Variants in DAB2IP observed in about 807,000 individuals in gnomAD.
DAB2IP encodes disabled homolog 2-interacting protein.
In DAB2IP, 28 loss-of-function variants were observed where a neutral mutation model predicts 107.2. The ratio of observed to expected loss-of-function variants is 0.26; its 90% confidence interval spans 0.19 to 0.36. The LOEUF is 0.36. DAB2IP is among the 10% of genes least tolerant of loss of function. DAB2IP has a pLI of 1.00. For missense variants in DAB2IP, 1,400 were observed against 1,644.7 expected (o/e 0.85, Z 2.57); for synonymous variants, 755 against 706.4 (o/e 1.07, Z -1.09).
At position 121,759,107 on chromosome 9, in the gene DAB2IP, C is replaced by T. The variant is rs970952646; in HGVS notation, c.615+111C>T. 5.4e-6 allele frequency: 6 copies of T among 1,107,346 alleles called. No homozygotes were observed. The African/African-American group carries it at 9.3e-5, about 17-fold the overall frequency. The allele number at this position is 1,107,346 out of a possible 1,614,324, so 68.6% of individuals were successfully genotyped here. A position where few individuals can be genotyped will look rare whatever the true frequency, so the allele number is the denominator to read the frequency against. On this transcript the variant is annotated intron_variant, in intron 5 of 15. Transcript: ENST00000408936. ...TGGGCTGGGATTGGGGGTGGTCAGC[C>T]TGCATGGAGGCAGGGCCCGAGTGGA...
chr9:121,583,301 G>A (rs1163093161), intron 1 of DAB2IP, among the ~76,000 whole-genome samples: 1 of 152,194 alleles, frequency 6.6e-6, no homozygotes, highest in African/African-American at 2.4e-5. Context: ...TGAGGCAAGA[G>A]AATTGCTTGA....
intron 3 of DAB2IP, among the ~76,000 whole-genome samples, chr9:121,743,079 G>A (rs1416517228): frequency 3.9e-5 from 6 of 152,320 alleles, no homozygotes; most frequent in Middle Eastern, 6.8e-3. Flanking sequence ...TGGACCTCAC[G>A]GGGTGTGGCC....
intron 1 of DAB2IP, among the ~76,000 whole-genome samples, chr9:121,657,040 G>A (rs919263058): frequency 3.3e-5 from 5 of 152,252 alleles, no homozygotes; most frequent in Admixed American, 3.3e-4. Flanking sequence ...AGGCAGGGGA[G>A]TGGCCCCGTT....
chr9:121,621,785 T>G (rs1382766883), intron 1 of DAB2IP, among the ~76,000 whole-genome samples: 5 of 149,558 alleles, frequency 3.3e-5, no homozygotes, highest in African/African-American at 7.3e-5. Context: ...TAGGTGGGAT[T>G]ATAAGAGCAT....
At chr9:121,591,117 A>T (rs1411648387) in intron 1 of DAB2IP, among the ~76,000 whole-genome samples, 1 of 152,196 alleles carries the variant, frequency 6.6e-6, no homozygotes, top group Non-Finnish European at 1.5e-5. Context: ...TGTATATTTG[A>T]GGATCTGGAA....
intron 15 of DAB2IP, 71 bp downstream of exon 15, chr9:121,781,622 T>C: frequency 6.8e-7 from 1 of 1,480,404 alleles, no homozygotes; most frequent in Non-Finnish European, 9.4e-7. Context: ...GACTAGCCTC[T>C]CCATCCTCAG....
intron 1 of DAB2IP, among the ~76,000 whole-genome samples, chr9:121,666,476 G>A (rs1418422339): frequency 6.6e-6 from 1 of 152,188 alleles, no homozygotes; most frequent in Non-Finnish European, 1.5e-5. Context: ...TAAAGGCTGA[G>A]CTAGAAAAAG....
chr9:121,621,595 C>T (rs908997766), intron 1 of DAB2IP, among the ~76,000 whole-genome samples: 2 of 151,722 alleles, frequency 1.3e-5, no homozygotes, highest in Non-Finnish European at 2.9e-5. Context: ...AGTCCCCTGT[C>T]TCCCATCAGA....
At chr9:121,771,885 A>G (rs1365984596) in intron 11 of DAB2IP, among the ~76,000 whole-genome samples, 1 of 144,148 alleles carries the variant, frequency 6.9e-6, no homozygotes, top group East Asian at 2.1e-4. Flanking sequence ...CCCCACCCAC[A>G]TTCTTCTCTC....
intron 1 of DAB2IP, among the ~76,000 whole-genome samples, chr9:121,667,181 T>C (rs1392395208): frequency 1.3e-5 from 2 of 151,988 alleles, no homozygotes; most frequent in African/African-American, 4.8e-5. Flanking sequence ...TGACTAACTT[T>C]TTGTCTTTTT....
In DAB2IP at chr9:121,663,000, T is replaced by C. The variant is rs1430400108; in HGVS notation, c.124+11101T>C. On this transcript the variant is annotated intron_variant, in intron 1 of 15. Transcript: ENST00000408936. This position sits in a 1 kb window ranked among gnomAD's most constrained non-coding sequence, Gnocchi z 4.6. ...CAAATTACTAGAAATCCTCAGAAAGTAAAAAAGGAAAAAGAAACTCAGGGT... is the reference window on the plus strand; with the variant it reads ...CAAATTACTAGAAATCCTCAGAAAGCAAAAAAGGAAAAAGAAACTCAGGGT... Among the ~76,000 whole-genome samples, 2 of 151,696 alleles carry C rather than the reference T, an allele frequency of 1.3e-5. No homozygotes were observed. Among genetic ancestry groups the C allele is most frequent in the East Asian group, 3.9e-4 (2 of 5,174 alleles).
intron 3 of DAB2IP, among the ~76,000 whole-genome samples, chr9:121,754,805 T>C (rs556580008): frequency 2.3e-4 from 35 of 152,190 alleles, no homozygotes; most frequent in African/African-American, 8.2e-4. Flanking sequence ...CCCAGCCTGC[T>C]GAAGCATGCC....
chr9:121,780,082 C>T (rs1835493693), intron 14 of DAB2IP, among the ~76,000 whole-genome samples: 2 of 152,154 alleles, frequency 1.3e-5, no homozygotes, highest in Admixed American at 6.5e-5. Flanking sequence ...GATGGGGTCT[C>T]GCCATGTTAC....
intron 1 of DAB2IP, among the ~76,000 whole-genome samples, chr9:121,616,915 C>A (rs1179834481): frequency 6.6e-6 from 1 of 152,178 alleles, no homozygotes; most frequent in Non-Finnish European, 1.5e-5. Context: ...GCACTGCTGT[C>A]CCCTGGGAGA....
At chr9:121,569,556 A>C (rs1205538310) in intron 1 of DAB2IP, among the ~76,000 whole-genome samples, 21 of 152,252 alleles carry the variant, frequency 1.4e-4, no homozygotes, top group Admixed American at 1.4e-3. Context: ...GCAGTGGCTC[A>C]TGCCTGAAAT....
Position 121,699,354 on chromosome 9 carries a change from C to G in DAB2IP, c.258C>G (p.Ser86=). Reference sequence around the variant, plus strand: ...TCCTCAGCCGCCGCCTCAAGGGCTCCATCAAGCGCACCAAGAGCCAGCCCA... The same window carrying G: ...TCCTCAGCCGCCGCCTCAAGGGCTCGATCAAGCGCACCAAGAGCCAGCCCA... The change falls in exon 3 of 16, where the codon TCC becomes TCG. Residue 86 remains serine (S), a synonymous_variant. Transcript: ENST00000408936. The surrounding 1 kb of genome is among the most constrained non-coding windows in gnomAD (Gnocchi z 6.2). The G allele has an allele frequency of 6.8e-7, 1 of 1,480,430 alleles. No individual in the cohort carries two copies. The highest frequency in any genetic ancestry group is 9.0e-7 in the Non-Finnish European group (1 of 1,105,744). The allele number at this position is 1,480,430 out of a possible 1,614,324, so 91.7% of individuals were successfully genotyped here.
At chr9:121,601,154 C>T (rs866578750) in intron 1 of DAB2IP, among the ~76,000 whole-genome samples, 29 of 152,218 alleles carry the variant, frequency 1.9e-4, no homozygotes, top group African/African-American at 6.0e-4. Context: ...ATCTTTCCCC[C>T]TTTCCCCACC....
At chr9:121,585,049 C>T (rs544037933) in intron 1 of DAB2IP, among the ~76,000 whole-genome samples, 13 of 152,178 alleles carry the variant, frequency 8.5e-5, no homozygotes, top group African/African-American at 1.4e-4. Flanking sequence ...GGACTACAGG[C>T]GCGTGCCACT....
intron 1 of DAB2IP, among the ~76,000 whole-genome samples, chr9:121,569,611 G>A (rs1388549089): frequency 6.6e-6 from 1 of 152,226 alleles, no homozygotes; most frequent in Non-Finnish European, 1.5e-5. Context: ...CTTGAAGTCA[G>A]GAGTTTGAGG....
Sources: gnomAD v4.1 joint callset for allele counts (sites outside exome capture counted in the v4.1 genomes callset) on GRCh38, gnomAD v4.1.1 for gene constraint, Gnocchi (gnomAD v3.1) non-coding constraint, MANE v1.5 for transcripts, NCBI Gene and HGNC (gene_info 2026-07-23, HGNC 2026-07-21) for gene names.